The following ENOX2 variants were observed in gnomAD, a reference collection of about 807,000 sequenced individuals.
ENOX2 encodes APK1 antigen.
A neutral mutation model predicts 45.0 loss-of-function variants in ENOX2; 36 were observed. The observed-to-expected ratio is 0.80, with a 90% confidence interval of 0.61 to 1.06. The LOEUF (loss-of-function observed/expected upper bound fraction) is 1.06, where lower values mean the gene tolerates loss of function less well. ENOX2 is among the 50% of genes least tolerant of loss of function. The pLI is 0.00. For missense variants in ENOX2, 423 were observed against 462.5 expected (o/e 0.91, Z 0.78); for synonymous variants, 174 against 152.3 (o/e 1.14, Z -1.05).
At chrX:130,706,657 T>C (rs1318061219) in intron 3 of ENOX2, among the ~76,000 whole-genome samples, 1 of 112,067 alleles carries the variant, frequency 8.9e-6, no homozygotes, top group Non-Finnish European at 1.9e-5. Flanking sequence ...ATTCAAGAAA[T>C]ATTTAAATTA....
intron 3 of ENOX2, among the ~76,000 whole-genome samples, chrX:130,769,203 A>T (rs1353332104): frequency 2.7e-5 from 3 of 111,467 alleles, no homozygotes; most frequent in Non-Finnish European, 3.8e-5. Flanking sequence ...AGTGAAAAAT[A>T]TGTCATTCCT....
rs142220854 is a variant in ENOX2, at chrX:130,684,855, T to G, written c.253+4008A>C. Among the ~76,000 whole-genome samples the G allele has an allele frequency of 9.4e-3, 1,041 of 111,334 alleles. 16 individuals carry two copies. The highest frequency in any genetic ancestry group is 0.032 in the African/African-American group (980 of 30,579). ...GGGGCATGCCTGCAGTCCCAGCTACTCGAGAGGCTGAGGCAGGAGGATCAC... is the reference window on the plus strand; with the variant it reads ...GGGGCATGCCTGCAGTCCCAGCTACGCGAGAGGCTGAGGCAGGAGGATCAC... On this transcript the variant is annotated intron_variant, in intron 5 of 14. Coordinates refer to ENST00000394363, the MANE Select transcript of ENOX2 (RefSeq NM_006375.4).
intron 2 of ENOX2, among the ~76,000 whole-genome samples, chrX:130,846,525 C>T (rs976097813): frequency 4.5e-5 from 5 of 111,081 alleles, no homozygotes; most frequent in African/African-American, 1.3e-4. Context: ...TTAGTAGAGA[C>T]GGGGTTTTTC....
chrX:130,730,733 C>T (rs1178421478), intron 3 of ENOX2, among the ~76,000 whole-genome samples: 1 of 92,021 alleles, frequency 1.1e-5, no homozygotes, highest in Non-Finnish European at 2.1e-5. Flanking sequence ...AAGGGCAGGA[C>T]AACTCGAAGT....
intron 10 of ENOX2, chrX:130,645,635 C>T (rs1258011509): frequency 9.6e-6 from 4 of 415,008 alleles, no homozygotes; most frequent in African/African-American, 2.5e-5. Context: ...GGCCCGCGCC[C>T]GCCTGGAGGG....
intron 2 of ENOX2, among the ~76,000 whole-genome samples, chrX:130,895,618 G>A (rs1249807869): frequency 8.9e-6 from 1 of 112,317 alleles, no homozygotes; most frequent in East Asian, 2.8e-4. Context: ...TGTGGTCACT[G>A]AAAGCTCTTT....
intron 9 of ENOX2, among the ~76,000 whole-genome samples, chrX:130,663,245 T>G (rs2036740295): frequency 8.9e-6 from 1 of 112,266 alleles, no homozygotes; most frequent in Non-Finnish European, 1.9e-5. Flanking sequence ...AAAAGTGTTG[T>G]GACGGCCAGG....
chrX:130,875,998 T>G (rs1038662349), intron 2 of ENOX2, among the ~76,000 whole-genome samples: 1 of 111,951 alleles, frequency 8.9e-6, no homozygotes, highest in African/African-American at 3.2e-5. Context: ...TATTTATTGC[T>G]GGTAGGACCG....
intron 2 of ENOX2, among the ~76,000 whole-genome samples, chrX:130,893,360 T>G (rs1045347598): frequency 9.0e-6 from 1 of 111,645 alleles, no homozygotes; most frequent in Non-Finnish European, 1.9e-5. Flanking sequence ...AGATATATAT[T>G]GGGGGCCTAC....
intron 9 of ENOX2, among the ~76,000 whole-genome samples, chrX:130,657,738 T>C (rs2036584733): frequency 8.9e-6 from 1 of 111,965 alleles, no homozygotes. Context: ...TGAAAGAACA[T>C]AGCATAATCC....
rs2036944665 is a variant in ENOX2 at position 130,670,174 on chromosome X, C to T, written c.485G>A (p.Ser162Asn). ...TCTGCCTGTGTCCTTCTTGTCAGTA[C>T]TAGAGCCCAGGCGAATGCGGTAACC... ...LSGYRIRLGS[S>N]TDKKDTGRLH... Residue 162 changes from serine (S) to asparagine (N), a missense_variant, in exon 7 of 15, where the codon AGT (serine) becomes AAT (asparagine). Coordinates refer to ENST00000394363, the MANE Select transcript of ENOX2 (RefSeq NM_006375.4). The T allele has an allele frequency of 4.1e-6, 5 of 1,209,961 alleles. No homozygotes were observed. The highest frequency in any genetic ancestry group is 5.6e-6 in the Non-Finnish European group (5 of 894,401).
intron 2 of ENOX2, among the ~76,000 whole-genome samples, chrX:130,870,994 T>C (rs1473501704): frequency 9.1e-6 from 1 of 110,304 alleles, no homozygotes; most frequent in African/African-American, 3.3e-5. Flanking sequence ...TACTATTCCA[T>C]TGCATGAAGT....
At chrX:130,762,842 T>C (rs1007260578) in intron 3 of ENOX2, among the ~76,000 whole-genome samples, 1 of 111,837 alleles carries the variant, frequency 8.9e-6, no homozygotes, top group Non-Finnish European at 1.9e-5. Context: ...TTGGATCCTA[T>C]TCTTTGATTA....
chrX:130,685,608 C>T (rs962040726), intron 5 of ENOX2, among the ~76,000 whole-genome samples: 1 of 112,260 alleles, frequency 8.9e-6, no homozygotes, highest in African/African-American at 3.2e-5. Flanking sequence ...AGATTAAACG[C>T]ACTGTGTGAG....
At chrX:130,840,582 C>G (rs757962179) in intron 2 of ENOX2, among the ~76,000 whole-genome samples, 2 of 109,411 alleles carry the variant, frequency 1.8e-5, no homozygotes, top group East Asian at 5.7e-4. Flanking sequence ...TATTAAAACC[C>G]TTGGCCGGGC....
intron 2 of ENOX2, among the ~76,000 whole-genome samples, chrX:130,861,853 T>C (rs764842367): frequency 9.0e-6 from 1 of 111,522 alleles, no homozygotes; most frequent in Non-Finnish European, 1.9e-5. Context: ...GATTGATAGG[T>C]TAATGACATA....
intron 3 of ENOX2, among the ~76,000 whole-genome samples, chrX:130,722,668 C>A (rs2038509874): frequency 8.9e-6 from 1 of 112,081 alleles, no homozygotes; most frequent in Non-Finnish European, 1.9e-5. Context: ...TTGATGCTTA[C>A]AATCTAACCT....
chrX:130,806,498 TA>T (rs1338313888), intron 2 of ENOX2, among the ~76,000 whole-genome samples: 8 of 111,870 alleles, frequency 7.2e-5, no homozygotes, highest in Admixed American at 1.9e-4. Flanking sequence ...CATAAGAATT[TA>T]AAAAAAAATT....
At chrX:130,683,498 A>G (rs143673894) in intron 5 of ENOX2, among the ~76,000 whole-genome samples, 1,219 of 111,668 alleles carry the variant, frequency 0.011, 24 homozygotes, top group African/African-American at 0.037. Flanking sequence ...AAATGAAAAC[A>G]TTGTTCTTGC....
Sources: gnomAD v4.1 joint callset for allele counts (sites outside exome capture counted in the v4.1 genomes callset) on GRCh38, gnomAD v4.1.1 for gene constraint, MANE v1.5 for transcripts, NCBI Gene and HGNC (gene_info 2026-07-23, HGNC 2026-07-21) for gene names.